ZNF92: variants seen among roughly 807,000 people sequenced by gnomAD.
The protein encoded by ZNF92 is epididymis luminal protein 203.
ZNF92 carries 11 observed loss-of-function variants against 12.4 expected under a neutral mutation model. The ratio of observed to expected loss-of-function variants is 0.89; its 90% CI spans 0.56 to 1.47. The LOEUF is 1.47. Ranked by LOEUF, ZNF92 falls within the 40% of genes most tolerant of loss-of-function variation. The probability of loss-of-function intolerance (pLI) is 0.00; values close to 1 mark genes in which losing one functional copy is unlikely to be tolerated. For missense variants in ZNF92, 622 were observed against 681.0 expected (o/e 0.91, Z 0.96); for synonymous variants, 206 against 228.6 (o/e 0.90, Z 0.89).
Position 65,379,378 on chromosome 7 carries a change from G to A in ZNF92, c.3+5378G>A, listed in dbSNP as rs118064891. Among the ~76,000 whole-genome samples the A allele has an allele frequency of 7.0e-3, 1,069 of 152,126 alleles. 6 individuals are homozygous for A. Among genetic ancestry groups the A allele is most frequent in the Non-Finnish European group, 0.01 (702 of 67,994 alleles). On this transcript the variant is annotated intron_variant, in intron 1 of 3. Coordinates refer to ENST00000328747, the MANE Select transcript of ZNF92 (RefSeq NM_152626.4). ...AGGCCTGGCCTGGAATGGAACTCTG[G>A]GTGTCTGGGAATGGGAGACTCTGCT...
intron 1 of ZNF92, among the ~76,000 whole-genome samples, chr7:65,376,767 G>A (rs1186438709): frequency 6.6e-6 from 1 of 152,016 alleles, no homozygotes; most frequent in Non-Finnish European, 1.5e-5. Context: ...TTATGGCTGG[G>A]TAATTACAAA....
At chr7:65,390,214 T>G (rs572402631) in intron 3 of ZNF92, among the ~76,000 whole-genome samples, 21 of 152,282 alleles carry the variant, frequency 1.4e-4, no homozygotes, top group South Asian at 1.0e-3. Flanking sequence ...TTTCTCTATA[T>G]AAGATTATGT....
At chr7:65,398,299 A>T in intron 3 of ZNF92, 42 bp from the exon 4 acceptor site, 1 of 1,436,960 alleles carries the variant, frequency 7.0e-7, no homozygotes, top group Non-Finnish European at 9.3e-7. Flanking sequence ...TATTCATCTG[A>T]GTCTAGTAAG....
chr7:65,384,371 A>C (rs1318443597), intron 1 of ZNF92, among the ~76,000 whole-genome samples: 1 of 152,080 alleles, frequency 6.6e-6, no homozygotes, highest in East Asian at 1.9e-4. Flanking sequence ...TGGAGGCCTT[A>C]TTGAAGTCTG....
At position 65,400,025 on chromosome 7, in the gene ZNF92, C is replaced by A; in HGVS notation, c.*150C>A. The stretch of plus-strand genomic sequence containing the variant: ...TAATTTATATTGGAGAAAAATCCTC[C>A]AAGTATGAAGAATGTGGCAAACTTT... On this transcript the variant is annotated 3_prime_UTR_variant, in exon 4 of 4. Transcript: ENST00000328747. The A allele has an allele frequency of 4.2e-6, 3 of 715,552 alleles. No homozygotes were observed. The highest frequency in any genetic ancestry group is 6.4e-6 in the Non-Finnish European group (3 of 465,432). 44.3% of individuals were successfully genotyped at this position (715,552 alleles called of 1,614,324 possible).
At chr7:65,378,190 C>G (rs1486153193) in intron 1 of ZNF92, among the ~76,000 whole-genome samples, 2 of 150,686 alleles carry the variant, frequency 1.3e-5, no homozygotes, top group African/African-American at 4.9e-5. Context: ...CCCAGTTACT[C>G]AGGAGGCTGA....
At position 65,383,187 on chromosome 7, in the gene ZNF92, A is replaced by G. The variant is rs557761757; in HGVS notation, c.4-4715A>G. Among the ~76,000 whole-genome samples the G allele has an allele frequency of 1.3e-3, 198 of 152,224 alleles. 1 individual carries two copies. Among genetic ancestry groups the G allele is most frequent in the African/African-American group, 4.3e-3 (178 of 41,520 alleles). On this transcript the variant is annotated intron_variant, in intron 1 of 3. Transcript: ENST00000328747. ...CTTGAATCTTTGCTCCCAGTTTACA[A>G]TCTTCAAGCTTGGCCCAAGTGAACT...
Position 65,400,205 on chromosome 7 carries a change from A to G in ZNF92, c.*330A>G, listed in dbSNP as rs10226579. 46,973 of 184,776 alleles carry G rather than the reference A, an allele frequency of 0.25. 7,700 individuals carry two copies. The highest frequency in any genetic ancestry group is 0.45 in the African/African-American group (19,113 of 42,242). 11.4% of individuals were successfully genotyped at this position (184,776 alleles called of 1,614,324 possible). A position where few individuals can be genotyped will look rare whatever the true frequency, so the allele number is the denominator to read the frequency against. ...TACCGTCAAATCTTTCAGAAAATAT[A>G]AGCCTTTAATACGAGGAAGAGTATT... is the stretch of plus-strand genomic sequence containing the variant. On this transcript the variant is annotated 3_prime_UTR_variant, in exon 4 of 4. Coordinates refer to ENST00000328747, the MANE Select transcript of ZNF92 (RefSeq NM_152626.4).
chr7:65,378,259 A>G (rs1031152415), intron 1 of ZNF92, among the ~76,000 whole-genome samples: 1 of 150,070 alleles, frequency 6.7e-6, no homozygotes, highest in Non-Finnish European at 1.5e-5. Context: ...GCGTTACTGC[A>G]CTCCAGCCTG....
At chr7:65,377,153 G>A (rs1267689939) in intron 1 of ZNF92, among the ~76,000 whole-genome samples, 3 of 152,004 alleles carry the variant, frequency 2.0e-5, no homozygotes, top group Non-Finnish European at 2.9e-5. Context: ...TCCTTCCCTC[G>A]TATTTATACT....
intron 3 of ZNF92, among the ~76,000 whole-genome samples, chr7:65,390,086 GT>G (rs1273221296): frequency 2.0e-4 from 30 of 151,894 alleles, no homozygotes; most frequent in Non-Finnish European, 1.5e-5. Context: ...AAATAAGATT[GT>G]TTTTTTCCTC....
Position 65,399,472 on chromosome 7 carries a change from A to G in ZNF92, c.1358A>G (p.Tyr453Cys), listed in dbSNP as rs763790786. 7 of 1,613,584 alleles carry G rather than the reference A, an allele frequency of 4.3e-6. No homozygotes were observed. In the Admixed American group the frequency reaches 5.0e-5, roughly 12 times the overall value. ...HKRNHMEDKP[Y>C]KCEECGKAFS... The stretch of plus-strand genomic sequence containing the variant: ...AGAAATCATATGGAAGATAAACCCT[A>G]CAAATGTGAAGAATGTGGCAAAGCC... The change falls in exon 4 of 4, where the codon TAC (tyrosine) becomes TGC (cysteine). Residue 453 changes from tyrosine (Y) to cysteine (C), a missense_variant. Tyr to Cys is a radical substitution (Grantham distance 194). Coordinates refer to ENST00000328747, the MANE Select transcript of ZNF92 (RefSeq NM_152626.4).
chr7:65,379,306 G>A (rs908782432), intron 1 of ZNF92, among the ~76,000 whole-genome samples: 1 of 152,084 alleles, frequency 6.6e-6, no homozygotes, highest in Non-Finnish European at 1.5e-5. Flanking sequence ...AGAATTGCTT[G>A]GTGTTCACCA....
In ZNF92 at chr7:65,388,872, A is replaced by C. The variant is rs1741073798; in HGVS notation, c.197A>C (p.Lys66Thr). The C allele has an allele frequency of 1.3e-6, 2 of 1,583,888 alleles. No individual in the cohort carries two copies. The highest frequency in any genetic ancestry group is 1.7e-5 in the Admixed American group (1 of 58,898). ...CAAGGAAAAGAGCCCTGGAATCTGA[A>C]GAGACATGAGATGGTAGACAAAACC... ...LEQGKEPWNL[K>T]RHEMVDKTPV... The change falls in exon 3 of 4, where the codon AAG becomes ACG. Residue 66 changes from lysine (K) to threonine (T), a missense_variant. Transcript: ENST00000328747.
chr7:65,395,175 C>T (rs977009009), intron 3 of ZNF92, among the ~76,000 whole-genome samples: 5 of 152,062 alleles, frequency 3.3e-5, no homozygotes, highest in Non-Finnish European at 7.4e-5. Context: ...TTTCCTCAGC[C>T]TCCTGAACAG....
At chr7:65,381,909 TATC>T (rs1793429746) in intron 1 of ZNF92, among the ~76,000 whole-genome samples, 1 of 152,092 alleles carries the variant, frequency 6.6e-6, no homozygotes, top group Non-Finnish European at 1.5e-5. Flanking sequence ...TTTGTACTGG[TATC>T]ATGTTGCTGT....
chr7:65,382,543 A>G (rs2116351880), intron 1 of ZNF92, among the ~76,000 whole-genome samples: 1 of 152,146 alleles, frequency 6.6e-6, no homozygotes, highest in Non-Finnish European at 1.5e-5. Flanking sequence ...GTATAATCAC[A>G]TCTAGAGAGG....
rs563283735 is a variant in ZNF92 at position 65,384,287 on chromosome 7, C to T, written c.4-3615C>T. The stretch of plus-strand genomic sequence containing the variant: ...GCTTAGGAAAAACAGAACGGAAATA[C>T]CCCAGTGGCATAGAGAGCAGAATTC... On this transcript the variant is annotated intron_variant, in intron 1 of 3. Transcript: ENST00000328747. Among the ~76,000 whole-genome samples, 36 of 151,674 alleles carry T rather than the reference C, an allele frequency of 2.4e-4. No homozygotes were observed. The South Asian group carries it at 7.3e-3, about 31-fold the overall frequency.
chr7:65,395,527 T>G (rs1253325815), intron 3 of ZNF92, among the ~76,000 whole-genome samples: 2 of 152,148 alleles, frequency 1.3e-5, no homozygotes, highest in Non-Finnish European at 2.9e-5. Flanking sequence ...CATGCTGCGA[T>G]GTAATCCTCA....
Sources: gnomAD v4.1 joint callset for allele counts (sites outside exome capture counted in the v4.1 genomes callset) on GRCh38, gnomAD v4.1.1 for gene constraint, MANE v1.5 for transcripts, NCBI Gene and HGNC (gene_info 2026-07-23, HGNC 2026-07-21) for gene names.